The following CNTNAP2 variants were observed in gnomAD, a reference collection of about 807,000 sequenced individuals.
CNTNAP2 encodes the protein contactin associated protein 2, also known as contactin-associated protein-like 2.
Under a neutral mutation model 155.2 loss-of-function variants are expected in CNTNAP2, and 98 were observed. That is an observed-to-expected ratio of 0.63 (90% CI 0.54 to 0.75). CNTNAP2 has a LOEUF of 0.75. Among genes scored for constraint, CNTNAP2 ranks in the 30% least tolerant of loss-of-function variants. The probability of loss-of-function intolerance (pLI) is 0.00; values close to 1 mark genes in which losing one functional copy is unlikely to be tolerated. For synonymous variants in CNTNAP2, 651 were observed against 631.2 expected, an observed-to-expected ratio of 1.03 and a Z score of -0.47; for missense variants, 1,727 against 1,688.1, an observed-to-expected ratio of 1.02 and a Z score of -0.40.
At chr7:148,303,634 C>T (rs1199299750) in intron 21 of CNTNAP2, among the ~76,000 whole-genome samples, 2 of 152,208 alleles carry the variant, frequency 1.3e-5, no homozygotes, top group Non-Finnish European at 2.9e-5. Flanking sequence ...TATTTACCAT[C>T]ACGTCTGGAT....
intron 13 of CNTNAP2, among the ~76,000 whole-genome samples, chr7:147,737,776 C>A (rs555797297): frequency 6.6e-6 from 1 of 152,226 alleles, no homozygotes; most frequent in Admixed American, 6.5e-5. Context: ...ACACGCTGTG[C>A]TAGCAATGAG....
At chr7:147,657,592 A>G (rs1039037126) in intron 13 of CNTNAP2, among the ~76,000 whole-genome samples, 1 of 152,212 alleles carries the variant, frequency 6.6e-6, no homozygotes, top group Non-Finnish European at 1.5e-5. Context: ...CCAGTAAGAT[A>G]TATAAAATAT....
chr7:146,532,379 A>ACC (rs1797782764), intron 1 of CNTNAP2, among the ~76,000 whole-genome samples: 1 of 152,146 alleles, frequency 6.6e-6, no homozygotes, highest in Non-Finnish European at 1.5e-5. Flanking sequence ...CTCTGCTTAT[A>ACC]ATTTTATGCA....
At chr7:147,365,599 G>A (rs1214624535) in intron 9 of CNTNAP2, among the ~76,000 whole-genome samples, 1 of 151,770 alleles carries the variant, frequency 6.6e-6, no homozygotes, top group Admixed American at 6.6e-5. Context: ...ATTAAAACAT[G>A]GATATTTAAT....
chr7:147,552,705 A>C (rs1459883345), intron 11 of CNTNAP2, among the ~76,000 whole-genome samples: 1 of 152,176 alleles, frequency 6.6e-6, no homozygotes, highest in Non-Finnish European at 1.5e-5. Flanking sequence ...CAATGAGAAT[A>C]AAATACGCCT....
chr7:146,684,483 A>G (rs777612802), intron 1 of CNTNAP2, among the ~76,000 whole-genome samples: 4 of 151,962 alleles, frequency 2.6e-5, no homozygotes, highest in Non-Finnish European at 5.9e-5. Context: ...ACTACTCTAA[A>G]TCTCTGAAAA....
At chr7:147,217,654 G>C (rs933802136) in intron 8 of CNTNAP2, among the ~76,000 whole-genome samples, 2 of 151,948 alleles carry the variant, frequency 1.3e-5, no homozygotes, top group African/African-American at 4.8e-5. Flanking sequence ...GATGAGGCTA[G>C]CCTCATAGAA....
At chr7:148,071,968 G>A (rs1803390097) in intron 15 of CNTNAP2, among the ~76,000 whole-genome samples, 1 of 152,166 alleles carries the variant, frequency 6.6e-6, no homozygotes. Flanking sequence ...GCGCTTCGTA[G>A]CAAATAGCTT....
chr7:147,925,080 C>T (rs571640500), intron 14 of CNTNAP2, among the ~76,000 whole-genome samples: 10 of 149,868 alleles, frequency 6.7e-5, no homozygotes, highest in East Asian at 2.0e-4. Context: ...GATCATGCCA[C>T]GGCACTGCAG....
At chr7:147,101,527 C>T (rs1267155099) in intron 4 of CNTNAP2, among the ~76,000 whole-genome samples, 3 of 152,032 alleles carry the variant, frequency 2.0e-5, no homozygotes, top group Non-Finnish European at 4.4e-5. Context: ...CCTTTTATAC[C>T]CTGTCCTCTT....
chr7:147,117,533 T>C (rs1801014442), intron 5 of CNTNAP2, among the ~76,000 whole-genome samples: 1 of 152,160 alleles, frequency 6.6e-6, no homozygotes, highest in Non-Finnish European at 1.5e-5. Context: ...CTGTATTTAC[T>C]GATCCCTTCC....
Position 148,411,261 on chromosome 7 carries a change from T to C in CNTNAP2, c.3796+1790T>C, listed in dbSNP as rs148099677. On this transcript the variant is annotated intron_variant, in intron 23 of 23. Transcript: ENST00000361727. The stretch of plus-strand genomic sequence containing the variant: ...TCTATAAGTGTAACAAGTCCGTAAC[T>C]TTTATTTATTATTATTTTTTGAGAC... Among the ~76,000 whole-genome samples, 59 of 152,244 alleles carry C rather than the reference T, an allele frequency of 3.9e-4. No homozygotes were observed. The East Asian group carries it at 8.9e-3, about 23-fold the overall frequency.
intron 8 of CNTNAP2, among the ~76,000 whole-genome samples, chr7:147,275,417 G>A (rs1465791455): frequency 2.7e-5 from 4 of 147,914 alleles, no homozygotes; most frequent in African/African-American, 9.8e-5. Context: ...GTGTATGTTT[G>A]TGTGTGTGTG....
chr7:146,664,758 C>T (rs1007378354), intron 1 of CNTNAP2, among the ~76,000 whole-genome samples: 2 of 152,076 alleles, frequency 1.3e-5, no homozygotes, highest in Non-Finnish European at 2.9e-5. Flanking sequence ...CTATTGAAGT[C>T]ATTTGAACCT....
intron 18 of CNTNAP2, among the ~76,000 whole-genome samples, chr7:148,182,158 G>T (rs1005563654): frequency 1.3e-5 from 2 of 152,002 alleles, no homozygotes; most frequent in African/African-American, 4.8e-5. Flanking sequence ...TTTATTTCCT[G>T]TTCTTCAGCA....
intron 9 of CNTNAP2, among the ~76,000 whole-genome samples, chr7:147,319,169 A>G (rs1238749507): frequency 6.6e-6 from 1 of 152,130 alleles, no homozygotes; most frequent in Non-Finnish European, 1.5e-5. Flanking sequence ...CATAAACGCA[A>G]TGTGTCCAGT....
intron 3 of CNTNAP2, among the ~76,000 whole-genome samples, chr7:146,924,094 C>A (rs1034734658): frequency 6.6e-6 from 1 of 152,012 alleles, no homozygotes; most frequent in African/African-American, 2.4e-5. Flanking sequence ...TGAATGAATT[C>A]TTGTAACTAA....
intron 21 of CNTNAP2, among the ~76,000 whole-genome samples, chr7:148,341,038 G>A (rs1798220119): frequency 6.6e-6 from 1 of 152,182 alleles, no homozygotes; most frequent in Non-Finnish European, 1.5e-5. Context: ...GACCCACAGC[G>A]ACTGCTGATC....
Position 146,478,843 on chromosome 7 carries a change from A to G in CNTNAP2, c.98-295428A>G, listed in dbSNP as rs116199830. Reference sequence around the variant, plus strand: ...TTAGGAGAGTTTTCTATTAACATGTAGTTTAATGTTGTCTTTCCAGTTAAT... The same window carrying G: ...TTAGGAGAGTTTTCTATTAACATGTGGTTTAATGTTGTCTTTCCAGTTAAT... On this transcript the variant is annotated intron_variant, in intron 1 of 23. Coordinates refer to ENST00000361727, the MANE Select transcript of CNTNAP2 (RefSeq NM_014141.6). Among the ~76,000 whole-genome samples the G allele has an allele frequency of 6.3e-4, 96 of 152,268 alleles. No homozygotes were observed. The East Asian group carries it at 0.018, about 28-fold the overall frequency.
Sources: allele counts gnomAD v4.1 joint callset (sites outside exome capture counted in the v4.1 genomes callset), GRCh38; gene constraint gnomAD v4.1.1; transcripts MANE v1.5; gene names NCBI Gene and HGNC (gene_info 2026-07-23, HGNC 2026-07-21).